Variants in KCNH5 observed in about 807,000 individuals in gnomAD.
KCNH5 encodes potassium voltage-gated channel subfamily H member 5, also known as voltage-gated delayed rectifier potassium channel KCNH5.
A neutral mutation model predicts 96.1 loss-of-function variants in KCNH5; 46 were observed. The ratio of observed to expected loss-of-function variants is 0.48; its 90% CI spans 0.38 to 0.61. The LOEUF (loss-of-function observed/expected upper bound fraction) is 0.61. Ranked by LOEUF, KCNH5 falls within the 20% of genes least tolerant of loss-of-function variation. KCNH5 has a pLI of 0.00. For missense variants in KCNH5, 907 were observed against 1,225.8 expected, an observed-to-expected ratio of 0.74 and a Z score of 3.88; for synonymous variants, 439 against 449.8, an observed-to-expected ratio of 0.98 and a Z score of 0.30.
At position 62,700,897 on chromosome 14, in the gene KCNH5, A is replaced by G. The variant is rs1884337536; in HGVS notation, c.*6611T>C. ...GTCCAATTTCTCTAACTCAATGGAG[A>G]GTCTGACCAAAAGCTTTGGATAGAG... On this transcript the variant is annotated 3_prime_UTR_variant, in exon 11 of 11. Transcript: ENST00000322893. 1 of 152,148 alleles carries G rather than the reference A, an allele frequency of 6.6e-6. No individual in the cohort carries two copies. Among genetic ancestry groups the G allele is most frequent in the Non-Finnish European group, 1.5e-5 (1 of 67,996 alleles). 9.4% of individuals were successfully genotyped at this position (152,148 alleles called of 1,614,324 possible).
intron 10 of KCNH5, among the ~76,000 whole-genome samples, chr14:62,718,099 A>G (rs1884724001): frequency 6.6e-6 from 1 of 152,122 alleles, no homozygotes; most frequent in Non-Finnish European, 1.5e-5. Context: ...GGAACAACAG[A>G]CACTGGGGAC....
chr14:62,737,287 A>G (rs975863223), intron 10 of KCNH5, among the ~76,000 whole-genome samples: 2 of 152,184 alleles, frequency 1.3e-5, no homozygotes, highest in African/African-American at 4.8e-5. Context: ...CCTAGAACAT[A>G]TAGCATTTGG....
At chr14:62,915,198 C>CT (rs936105198) in intron 7 of KCNH5, among the ~76,000 whole-genome samples, 1 of 152,162 alleles carries the variant, frequency 6.6e-6, no homozygotes, top group African/African-American at 2.4e-5. Context: ...ACTAATTGTG[C>CT]TTTTTTCCTG....
At chr14:62,772,428 C>A (rs912835232) in intron 10 of KCNH5, among the ~76,000 whole-genome samples, 1 of 151,860 alleles carries the variant, frequency 6.6e-6, no homozygotes, top group Admixed American at 6.6e-5. Flanking sequence ...CACCTGAGGT[C>A]GAGTTTGGGA....
At chr14:62,958,081 G>A (rs546816679) in intron 6 of KCNH5, among the ~76,000 whole-genome samples, 12 of 152,278 alleles carry the variant, frequency 7.9e-5, no homozygotes, top group South Asian at 2.1e-4. Context: ...TAGATATCGC[G>A]TTAATAGAGA....
At position 62,708,153 on chromosome 14, in the gene KCNH5, A is replaced by G. The variant is rs1479602373; in HGVS notation, c.2322T>C (p.Leu774=). The change falls in exon 11 of 11, where the codon CTT becomes CTC. Residue 774 remains leucine, a synonymous_variant. Transcript: ENST00000322893. ...SLAYVKTSES[L]KQNNRDAMEL... ...CCATGGCATCACGGTTGTTCTGCTTAAGGGATTCACTGGTTTTCACATAGG... is the reference window on the plus strand; with the variant it reads ...CCATGGCATCACGGTTGTTCTGCTTGAGGGATTCACTGGTTTTCACATAGG... The G allele has an allele frequency of 1.2e-6, 2 of 1,614,078 alleles. No individual in the cohort carries two copies. The highest frequency in any genetic ancestry group is 1.7e-6 in the Non-Finnish European group (2 of 1,180,046).
chr14:62,996,698 G>A (rs1333152580), intron 4 of KCNH5, among the ~76,000 whole-genome samples: 2 of 152,158 alleles, frequency 1.3e-5, no homozygotes, highest in African/African-American at 4.8e-5. Context: ...ACTGCAAAAT[G>A]TTGCCGACTT....
intron 6 of KCNH5, among the ~76,000 whole-genome samples, chr14:62,956,222 A>C (rs1594644415): frequency 6.6e-6 from 1 of 152,074 alleles, no homozygotes; most frequent in Non-Finnish European, 1.5e-5. Flanking sequence ...TTTGCCCCCA[A>C]ACATCATGTT....
At chr14:62,721,663 C>A (rs909173172) in intron 10 of KCNH5, among the ~76,000 whole-genome samples, 2 of 151,666 alleles carry the variant, frequency 1.3e-5, no homozygotes, top group Non-Finnish European at 2.9e-5. Context: ...TTTTTATTTC[C>A]CTCCTACCTA....
chr14:62,724,651 C>T (rs1399895916), intron 10 of KCNH5, among the ~76,000 whole-genome samples: 2 of 152,130 alleles, frequency 1.3e-5, no homozygotes, highest in African/African-American at 4.8e-5. Context: ...ACATACTGTG[C>T]TGAGAGAAGA....
At chr14:62,872,081 G>A (rs1268646177) in intron 7 of KCNH5, among the ~76,000 whole-genome samples, 1 of 151,996 alleles carries the variant, frequency 6.6e-6, no homozygotes, top group Non-Finnish European at 1.5e-5. Flanking sequence ...GCTTCTTCCA[G>A]CTTATTGAAA....
chr14:62,764,712 T>A (rs1391316105), intron 10 of KCNH5, among the ~76,000 whole-genome samples: 1 of 152,210 alleles, frequency 6.6e-6, no homozygotes, highest in African/African-American at 2.4e-5. Flanking sequence ...GTAGCATTTC[T>A]ATATACCAAC....
chr14:62,786,018 C>T (rs1595621702), intron 9 of KCNH5, among the ~76,000 whole-genome samples: 1 of 152,172 alleles, frequency 6.6e-6, no homozygotes, highest in East Asian at 1.9e-4. Context: ...TGGTGAAATC[C>T]CATTTCTACT....
chr14:62,826,407 C>CGTGT (rs1566673515), intron 8 of KCNH5, among the ~76,000 whole-genome samples: 183 of 53,772 alleles, frequency 3.4e-3, no homozygotes, highest in Non-Finnish European at 3.9e-3. Context: ...TGCGTGCGTG[C>CGTGT]ATGTGTGTGT....
chr14:62,816,760 T>G (rs1289618194), intron 8 of KCNH5, among the ~76,000 whole-genome samples: 1 of 151,954 alleles, frequency 6.6e-6, no homozygotes, highest in African/African-American at 2.4e-5. Flanking sequence ...AGCAAATACA[T>G]ATTTGACATG....
chr14:62,748,504 T>C (rs1303781041), intron 10 of KCNH5, among the ~76,000 whole-genome samples: 2 of 152,120 alleles, frequency 1.3e-5, no homozygotes, highest in East Asian at 3.9e-4. Context: ...TGGCCCCATT[T>C]TCCCAGCCCT....
intron 10 of KCNH5, among the ~76,000 whole-genome samples, chr14:62,721,195 G>A (rs1219056874): frequency 7.6e-6 from 1 of 130,912 alleles, no homozygotes; most frequent in Non-Finnish European, 1.8e-5. Flanking sequence ...TCTGATATGG[G>A]TATTGGAGAA....
At chr14:62,711,604 C>G (rs1884569627) in intron 10 of KCNH5, among the ~76,000 whole-genome samples, 1 of 152,162 alleles carries the variant, frequency 6.6e-6, no homozygotes, top group Non-Finnish European at 1.5e-5. Flanking sequence ...GTTTGCAGAA[C>G]AGCAGGACCT....
chr14:62,776,511 G>A (rs1462287357), intron 10 of KCNH5, among the ~76,000 whole-genome samples: 4 of 152,218 alleles, frequency 2.6e-5, no homozygotes, highest in African/African-American at 9.6e-5. Context: ...AATTCCTGCT[G>A]CTTAAGACAC....
Sources: allele counts gnomAD v4.1 joint callset (sites outside exome capture counted in the v4.1 genomes callset), GRCh38; gene constraint gnomAD v4.1.1; transcripts MANE v1.5; gene names NCBI Gene and HGNC (gene_info 2026-07-23, HGNC 2026-07-21).